Variants in BNC2 observed in about 807,000 individuals in gnomAD.
BNC2 encodes the protein basonuclin zinc finger protein 2, also known as zinc finger protein basonuclin-2.
Under a neutral mutation model 76.3 loss-of-function variants are expected in BNC2, and 20 were observed. The ratio of observed to expected loss-of-function variants is 0.26; its 90% CI spans 0.18 to 0.38. The LOEUF (loss-of-function observed/expected upper bound fraction) is 0.38. Ranked by LOEUF, BNC2 falls within the 10% of genes least tolerant of loss-of-function variation. BNC2 has a pLI of 1.00. For synonymous variants in BNC2, 582 were observed against 514.8 expected (o/e 1.13, Z -1.77); for missense variants, 1,382 against 1,399.8 (o/e 0.99, Z 0.20).
At chr9:16,546,649 G>C (rs1818492257) in intron 5 of BNC2, among the ~76,000 whole-genome samples, 1 of 152,090 alleles carries the variant, frequency 6.6e-6, no homozygotes, top group Non-Finnish European at 1.5e-5. Flanking sequence ...GCAAGAAAAG[G>C]AACACGAAAG....
chr9:16,822,293 A>T (rs1264217262), intron 1 of BNC2, among the ~76,000 whole-genome samples: 1 of 152,080 alleles, frequency 6.6e-6, no homozygotes, highest in African/African-American at 2.4e-5. Flanking sequence ...TCTGTTTTCT[A>T]ACATTACCTC....
chr9:16,548,463 T>C (rs1019750675), intron 5 of BNC2, among the ~76,000 whole-genome samples: 2 of 151,358 alleles, frequency 1.3e-5, no homozygotes, highest in Non-Finnish European at 2.9e-5. Flanking sequence ...TGGAGTGCAA[T>C]GGTACAATCT....
At chr9:16,469,992 C>CTTTTTTT (rs201134930) in intron 5 of BNC2, among the ~76,000 whole-genome samples, 20 of 114,990 alleles carry the variant, frequency 1.7e-4, no homozygotes, top group African/African-American at 2.9e-4. Flanking sequence ...TAATGGCATT[C>CTTTTTTT]TTTTTTTTTT....
At chr9:16,689,138 A>G (rs1266077613) in intron 3 of BNC2, among the ~76,000 whole-genome samples, 12 of 142,086 alleles carry the variant, frequency 8.4e-5, no homozygotes, top group African/African-American at 3.2e-4. Context: ...ACACACATAC[A>G]CACACTCTTT....
chr9:16,781,152 G>A (rs1393286390), intron 1 of BNC2, among the ~76,000 whole-genome samples: 1 of 151,680 alleles, frequency 6.6e-6, no homozygotes, highest in Non-Finnish European at 1.5e-5. Context: ...CTTCAGTTTT[G>A]TGTCCAGCCA....
intron 1 of BNC2, among the ~76,000 whole-genome samples, chr9:16,762,291 G>A (rs1471717337): frequency 1.3e-5 from 2 of 152,152 alleles, no homozygotes; most frequent in African/African-American, 4.8e-5. Flanking sequence ...GCTGATGTAG[G>A]AAATACAATC....
intron 5 of BNC2, among the ~76,000 whole-genome samples, chr9:16,547,172 A>C (rs1238034728): frequency 6.6e-6 from 1 of 152,260 alleles, no homozygotes; most frequent in Non-Finnish European, 1.5e-5. Context: ...CTTGCTCCGC[A>C]AAGAGCTGTT....
intron 3 of BNC2, among the ~76,000 whole-genome samples, chr9:16,712,249 T>A (rs10962547): frequency 0.2 from 29,741 of 152,156 alleles, 2,954 homozygotes; most frequent in East Asian, 0.28. Flanking sequence ...TAAGCAGTAA[T>A]AAATACTGAA....
chr9:16,852,649 GTGTGC>G (rs1819154933), intron 1 of BNC2, among the ~76,000 whole-genome samples: 1 of 152,140 alleles, frequency 6.6e-6, no homozygotes, highest in African/African-American at 2.4e-5. Flanking sequence ...TCAAGCGGCA[GTGTGC>G]TGTGAAGAAA....
At chr9:16,752,945 T>A (rs1287822594) in intron 1 of BNC2, among the ~76,000 whole-genome samples, 1 of 152,230 alleles carries the variant, frequency 6.6e-6, no homozygotes, top group Non-Finnish European at 1.5e-5. Flanking sequence ...CACAGTTTAA[T>A]ATGATTAAAA....
chr9:16,838,643 A>T (rs1443635508), intron 1 of BNC2, among the ~76,000 whole-genome samples: 1 of 152,244 alleles, frequency 6.6e-6, no homozygotes, highest in Non-Finnish European at 1.5e-5. Flanking sequence ...ACAGAATCAC[A>T]TCACACTACC....
intron 1 of BNC2, among the ~76,000 whole-genome samples, chr9:16,769,753 C>G (rs1183747502): frequency 1.3e-5 from 2 of 152,170 alleles, no homozygotes. Context: ...TAGCAGAATG[C>G]CTGGCACACA....
At chr9:16,694,619 T>C (rs1382664137) in intron 3 of BNC2, among the ~76,000 whole-genome samples, 1 of 152,160 alleles carries the variant, frequency 6.6e-6, no homozygotes, top group Non-Finnish European at 1.5e-5. Context: ...AGGCTCATAA[T>C]GTAGCATGTC....
At position 16,512,484 on chromosome 9, in the gene BNC2, GCACACA is replaced by G. The variant is rs113858472; in HGVS notation, c.669+40040_669+40045del. Among the ~76,000 whole-genome samples the G allele has an allele frequency of 9.4e-5, 14 of 149,266 alleles. No individual in the cohort carries two copies. The East Asian group carries it at 2.7e-3, about 29-fold the overall frequency. On this transcript the variant is annotated intron_variant, in intron 5 of 6. Transcript: ENST00000380672. The stretch of plus-strand genomic sequence containing the variant: ...AAAGACCAATAAAGGTAACACACGC[GCACACA>G]CACACACACACACACAAATAGAACC...
intron 3 of BNC2, among the ~76,000 whole-genome samples, chr9:16,587,314 A>T (rs1043305529): frequency 6.6e-6 from 1 of 151,866 alleles, no homozygotes; most frequent in Non-Finnish European, 1.5e-5. Flanking sequence ...TTCAGGTTCA[A>T]GCAATCCTCC....
chr9:16,689,334 G>C (rs2043785252), intron 3 of BNC2, among the ~76,000 whole-genome samples: 1 of 152,156 alleles, frequency 6.6e-6, no homozygotes, highest in Non-Finnish European at 1.5e-5. Flanking sequence ...TCACAGAAAT[G>C]ATAACTTGAG....
At chr9:16,866,243 A>G (rs1489310442) in intron 1 of BNC2, among the ~76,000 whole-genome samples, 1 of 152,136 alleles carries the variant, frequency 6.6e-6, no homozygotes, top group Non-Finnish European at 1.5e-5. Context: ...TCTTTAACTT[A>G]TTTTTTGATC....
At chr9:16,453,652 T>G (rs570256102) in intron 5 of BNC2, among the ~76,000 whole-genome samples, 2 of 152,062 alleles carry the variant, frequency 1.3e-5, no homozygotes, top group African/African-American at 4.8e-5. Context: ...CTCCTCCCTT[T>G]AAAATAAACC....
intron 3 of BNC2, among the ~76,000 whole-genome samples, chr9:16,690,612 G>C (rs987827667): frequency 2.6e-5 from 4 of 152,162 alleles, no homozygotes; most frequent in African/African-American, 9.7e-5. Context: ...CATTGTTATA[G>C]AGTCAGATAA....
Sources: allele counts gnomAD v4.1 joint callset (sites outside exome capture counted in the v4.1 genomes callset), GRCh38; gene constraint gnomAD v4.1.1; transcripts MANE v1.5; gene names NCBI Gene and HGNC (gene_info 2026-07-23, HGNC 2026-07-21).